The following WEE1 variants were observed in gnomAD, a reference collection of about 807,000 sequenced individuals.
WEE1 encodes the protein wee1-like protein kinase.
WEE1 carries 16 observed loss-of-function variants against 68.8 expected under a neutral mutation model. The observed-to-expected ratio is 0.23, with a 90% confidence interval of 0.16 to 0.35. The LOEUF (loss-of-function observed/expected upper bound fraction) is 0.35. WEE1 is among the 10% of genes least tolerant of loss of function. The pLI is 1.00. For missense variants in WEE1, 651 were observed against 824.1 expected (o/e 0.79, Z 2.57); for synonymous variants, 349 against 318.7 (o/e 1.09, Z -1.01).
chr11:9,589,844 T>A lies in WEE1; in HGVS notation c.*1242T>A. ...AAAATGTATAGTGTGTATAATGTAC[T>A]ATTATAAAAGCAGAGGGCACATTTT... On this transcript the variant is annotated 3_prime_UTR_variant, in exon 11 of 11. Coordinates refer to ENST00000450114, the MANE Select transcript of WEE1 (RefSeq NM_003390.4). 2.0e-6 allele frequency: 1 copy of A among 512,466 alleles called. No homozygotes were observed. The highest frequency in any genetic ancestry group is 2.5e-6 in the Non-Finnish European group (1 of 397,496). 31.7% of individuals were successfully genotyped at this position (512,466 alleles called of 1,614,324 possible).
At chr11:9,579,354 T>A (rs1849599725) in intron 5 of WEE1, 2 of 152,374 alleles carry the variant, frequency 1.3e-5, no homozygotes, top group Middle Eastern at 3.4e-3. Flanking sequence ...AGGGCTCATC[T>A]TCACATCTTT....
rs1282645785 is a variant in WEE1, at chr11:9,577,061, T to A, written c.1020-81T>A. 4 of 1,464,962 alleles carry A rather than the reference T, an allele frequency of 2.7e-6. No individual in the cohort carries two copies. The East Asian group carries it at 9.4e-5, about 34-fold the overall frequency. 90.7% of individuals were successfully genotyped at this position (1,464,962 alleles called of 1,614,324 possible). ...AACAATAGATACCAAAAATTTATTGTATGAAGTTTCAGATAAATTAATTCA... is the reference window on the plus strand; with the variant it reads ...AACAATAGATACCAAAAATTTATTGAATGAAGTTTCAGATAAATTAATTCA... On this transcript the variant is annotated intron_variant, in intron 4 of 10. Coordinates refer to ENST00000450114, the MANE Select transcript of WEE1 (RefSeq NM_003390.4).
intron 5 of WEE1, chr11:9,580,399 T>C (rs1386714562): frequency 6.6e-6 from 1 of 152,092 alleles, no homozygotes; most frequent in African/African-American, 2.4e-5. Flanking sequence ...TAGCAAAGGC[T>C]TGGAAATAAT....
chr11:9,575,339 C>A, intron 1 of WEE1: 4 of 988,836 alleles, frequency 4.0e-6, no homozygotes, highest in Non-Finnish European at 4.8e-6. Flanking sequence ...ACAAGCCTCG[C>A]ATTTGTAAGG....
In WEE1 at chr11:9,576,802, C is replaced by T; in HGVS notation, c.1019+143C>T. 1 of 853,854 alleles carries T rather than the reference C, an allele frequency of 1.2e-6. No individual in the cohort carries two copies. Among genetic ancestry groups the T allele is most frequent in the Non-Finnish European group, 1.8e-6 (1 of 570,054 alleles). 52.9% of individuals were successfully genotyped at this position (853,854 alleles called of 1,614,324 possible). On this transcript the variant is annotated intron_variant, in intron 4 of 10. Transcript: ENST00000450114. This position sits in a 1 kb window ranked among gnomAD's most constrained non-coding sequence, Gnocchi z 4.3. ...TAATCAGGTCCTTTTCACTTAATAC[C>T]ATCAGTTCTTATTGGACTTGTTGAA... is the stretch of plus-strand genomic sequence containing the variant.
At position 9,586,564 on chromosome 11, in the gene WEE1, G is replaced by A; in HGVS notation, c.1586G>A (p.Gly529Asp). The A allele has an allele frequency of 6.2e-7, 1 of 1,614,132 alleles. No homozygotes were observed. Among genetic ancestry groups the A allele is most frequent in the Non-Finnish European group, 8.5e-7 (1 of 1,180,018 alleles). The stretch of plus-strand genomic sequence containing the variant: ...GATCAATGGCATGAAATCAGACAGG[G>A]TAGATTACCTCGGATACCACAAGTG... Reference protein sequence around the residue: ...NGDQWHEIRQGRLPRIPQVLS... With the variant: ...NGDQWHEIRQDRLPRIPQVLS... The change falls in exon 9 of 11, where the codon GGT (glycine) becomes GAT (aspartate). Residue 529 changes from glycine to aspartate, a missense_variant. Coordinates refer to ENST00000450114, the MANE Select transcript of WEE1 (RefSeq NM_003390.4).
Position 9,574,335 on chromosome 11 carries a change from G to T in WEE1, c.402G>T (p.Leu134=). The change falls in exon 1 of 11, where the codon CTG becomes CTT. Residue 134 remains leucine, a synonymous_variant. Coordinates refer to ENST00000450114, the MANE Select transcript of WEE1 (RefSeq NM_003390.4). The surrounding 1 kb of genome is among the most constrained non-coding windows in gnomAD (Gnocchi z 4.9). ...AGTCGCCGGCGGCCCCCTACTTCCT[G>T]GGTAGCTCTTTCTCGCCGGTGCGCT... ...PVKSPAAPYF[L]GSSFSPVRCG... is the part of the protein sequence containing the mutation. 7.9e-7 allele frequency: 1 copy of T among 1,272,246 alleles called. No homozygotes were observed. The highest frequency in any genetic ancestry group is 3.3e-5 in the East Asian group (1 of 30,618). 78.8% of individuals were successfully genotyped at this position (1,272,246 alleles called of 1,614,324 possible).
Position 9,588,624 on chromosome 11 carries a change from C to A in WEE1, c.*22C>A, listed in dbSNP as rs761462789. On this transcript the variant is annotated 3_prime_UTR_variant, in exon 11 of 11. Transcript: ENST00000450114. ...CTGAGCTACTCCTTTCCCACCTCCC[C>A]CTGAACACTGTGACAAGAGGAAGCT... The A allele has an allele frequency of 4.6e-6, 7 of 1,506,786 alleles. No homozygotes were observed. In the South Asian group the frequency reaches 9.4e-5, roughly 20 times the overall value. 93.3% of individuals were successfully genotyped at this position (1,506,786 alleles called of 1,614,324 possible). A position where few individuals can be genotyped will look rare whatever the true frequency, so the allele number is the denominator to read the frequency against.
chr11:9,588,222 C>T (rs1208459533), intron 10 of WEE1, among the ~76,000 whole-genome samples: 1 of 152,154 alleles, frequency 6.6e-6, no homozygotes, highest in Non-Finnish European at 1.5e-5. Flanking sequence ...AGCATCTTTA[C>T]TACTTGTTTT....
At position 9,574,056 on chromosome 11, in the gene WEE1, G is replaced by C; in HGVS notation, c.123G>C (p.Glu41Asp). 1 of 1,253,056 alleles carries C rather than the reference G, an allele frequency of 8.0e-7. No individual in the cohort carries two copies. The highest frequency in any genetic ancestry group is 1.0e-6 in the Non-Finnish European group (1 of 998,850). 77.6% of individuals were successfully genotyped at this position (1,253,056 alleles called of 1,614,324 possible). ...SDCEEEEEEE[E>D]EEGSGHSTGE... Reference sequence around the variant, plus strand: ...GTGAGGAGGAGGAAGAAGAGGAGGAGGAGGAGGGCAGCGGCCACAGCACCG... The same window carrying C: ...GTGAGGAGGAGGAAGAAGAGGAGGACGAGGAGGGCAGCGGCCACAGCACCG... Residue 41 changes from glutamate to aspartate, a missense_variant, in exon 1 of 11, where the codon GAG becomes GAC. Physicochemically the swap from Glu to Asp is conservative, Grantham distance 45 (BLOSUM62 2). Around this residue, in one of 5 missense-constraint regions of WEE1, gnomAD observed 395 missense variants for 378.4 expected, o/e 1.04. Transcript: ENST00000450114. The surrounding 1 kb of genome is among the most constrained non-coding windows in gnomAD (Gnocchi z 4.9).
intron 10 of WEE1, 93 bp from the exon 11 acceptor site, chr11:9,588,356 C>A: frequency 1.3e-6 from 1 of 781,616 alleles, no homozygotes; most frequent in Non-Finnish European, 1.9e-6. Flanking sequence ...ATAATGATGG[C>A]ATGCAAATAT....
chr11:9,575,918 T>A lies in WEE1; in HGVS notation c.607T>A (p.Ser203Thr), dbSNP rs756507839. The A allele has an allele frequency of 3.7e-6, 6 of 1,614,174 alleles. No homozygotes were observed. Among genetic ancestry groups the A allele is most frequent in the Non-Finnish European group, 5.1e-6 (6 of 1,180,026 alleles). The change falls in exon 2 of 11, where the codon TCC becomes ACC. Residue 203 changes from serine (S) to threonine (T), a missense_variant. Physicochemically the swap from Ser to Thr is moderately conservative, Grantham distance 58 (BLOSUM62 1). This residue lies in a region of WEE1 where 395 missense variants were observed against 378.4 expected (regional missense o/e 1.04). Coordinates refer to ENST00000450114, the MANE Select transcript of WEE1 (RefSeq NM_003390.4). ...SLLSKARGIDSSSVKLRGSSL... is the reference protein window; with the variant it reads ...SLLSKARGIDTSSVKLRGSSL... ...GCTCTCCAAAGCTCGGGGAATTGAT[T>A]CCAGCTCTGTTAAACTCCGGGGTAG...
chr11:9,585,690 A>G (rs1849692422), intron 8 of WEE1, among the ~76,000 whole-genome samples, 163 bp downstream of exon 8: 1 of 152,274 alleles, frequency 6.6e-6, no homozygotes, highest in South Asian at 2.1e-4. Flanking sequence ...TCATGAAGGC[A>G]AAGATTTATA....
intron 5 of WEE1, chr11:9,577,464 T>C (rs967708854): frequency 3.0e-5 from 17 of 558,938 alleles, no homozygotes; most frequent in African/African-American, 2.8e-4. Flanking sequence ...GTAGTAGAAC[T>C]TCGCATACTA....
chr11:9,574,539 G>A lies in WEE1; in HGVS notation c.576+30G>A. The A allele has an allele frequency of 1.2e-5, 14 of 1,193,742 alleles. No homozygotes were observed. Among genetic ancestry groups the A allele is most frequent in the South Asian group, 3.8e-5 (1 of 26,100 alleles). The allele number at this position is 1,193,742 out of a possible 1,614,324, so 73.9% of individuals were successfully genotyped here. A position where few individuals can be genotyped will look rare whatever the true frequency, so the allele number is the denominator to read the frequency against. Reference sequence around the variant, plus strand: ...GAGCGGCGGGCGCGGGCACCCGGCGGCCGGGGCCGCGGCGCCGGAGGGGCC... The same window carrying A: ...GAGCGGCGGGCGCGGGCACCCGGCGACCGGGGCCGCGGCGCCGGAGGGGCC... On this transcript the variant is annotated intron_variant, in intron 1 of 10. Transcript: ENST00000450114. This position sits in a 1 kb window ranked among gnomAD's most constrained non-coding sequence, Gnocchi z 4.9.
intron 8 of WEE1, 146 bp downstream of exon 8, chr11:9,585,673 C>CA (rs1179261623): frequency 4.4e-6 from 3 of 679,410 alleles, no homozygotes; most frequent in Non-Finnish European, 4.5e-6. Context: ...ATTTAATAAG[C>CA]AAAAAGTCAT....
chr11:9,585,083 C>T lies in WEE1; in HGVS notation c.1289-175C>T, dbSNP rs981588457. ...GTCTCAAAAAAAAACAAAAAAAATT[C>T]CCAGCAACTATAACCCTGGTTTCTG... On this transcript the variant is annotated intron_variant, in intron 6 of 10. Transcript: ENST00000450114. The T allele has an allele frequency of 6.9e-6, 4 of 583,470 alleles. No individual in the cohort carries two copies. In the East Asian group the frequency reaches 8.8e-5, roughly 13 times the overall value. 36.1% of individuals were successfully genotyped at this position (583,470 alleles called of 1,614,324 possible).
rs1849566153 is a variant in WEE1, at chr11:9,576,427, G to A, written c.847-60G>A. ...TTTCACACATAGCCCTATCACCATA[G>A]CAAGAAATAACTGTTTTCGTATATT... On this transcript the variant is annotated intron_variant, in intron 3 of 10. Coordinates refer to ENST00000450114, the MANE Select transcript of WEE1 (RefSeq NM_003390.4). This position sits in a 1 kb window ranked among gnomAD's most constrained non-coding sequence, Gnocchi z 4.3. The A allele has an allele frequency of 3.2e-6, 5 of 1,578,794 alleles. No individual in the cohort carries two copies. The East Asian group carries it at 1.1e-4, about 35-fold the overall frequency.
Position 9,574,906 on chromosome 11 carries a change from C to T in WEE1, c.576+397C>T. 2.0e-6 allele frequency: 2 copies of T among 986,232 alleles called. No homozygotes were observed. Among genetic ancestry groups the T allele is most frequent in the Non-Finnish European group, 2.4e-6 (2 of 830,514 alleles). The allele number at this position is 986,232 out of a possible 1,614,324, so 61.1% of individuals were successfully genotyped here. A position where few individuals can be genotyped will look rare whatever the true frequency, so the allele number is the denominator to read the frequency against. On this transcript the variant is annotated intron_variant, in intron 1 of 10. Transcript: ENST00000450114. The surrounding 1 kb of genome is among the most constrained non-coding windows in gnomAD (Gnocchi z 4.9). ...TAGGATGCCTTTTAAACGCGGCGAT[C>T]GGGCCTGTAATTTGGGCGGCGCGGG...
Sources: allele counts gnomAD v4.1 joint callset (sites outside exome capture counted in the v4.1 genomes callset), GRCh38; gene constraint gnomAD v4.1.1; regional missense constraint gnomAD v4.1.1; non-coding constraint Gnocchi (gnomAD v3.1); transcripts MANE v1.5; gene names NCBI Gene and HGNC (gene_info 2026-07-23, HGNC 2026-07-21).